The following SLC44A5 variants were observed in gnomAD, a reference collection of about 807,000 sequenced individuals.
The protein encoded by SLC44A5 is choline transporter-like protein 5.
Under a neutral mutation model 101.8 loss-of-function variants are expected in SLC44A5, and 57 were observed. That is an observed-to-expected ratio of 0.56 (90% CI 0.45 to 0.70). The LOEUF (loss-of-function observed/expected upper bound fraction) is 0.70. Ranked by LOEUF, SLC44A5 falls within the 30% of genes least tolerant of loss-of-function variation. SLC44A5 has a pLI of 0.00. For missense variants in SLC44A5, 737 were observed against 853.1 expected, an observed-to-expected ratio of 0.86 and a Z score of 1.70; for synonymous variants, 281 against 290.9, an observed-to-expected ratio of 0.97 and a Z score of 0.35.
chr1:75,316,205 C>T (rs1395048868), intron 4 of SLC44A5, among the ~76,000 whole-genome samples: 2 of 152,222 alleles, frequency 1.3e-5, no homozygotes, highest in South Asian at 2.1e-4. Flanking sequence ...CACATACAAC[C>T]TTTGCATTCC....
intron 3 of SLC44A5, among the ~76,000 whole-genome samples, chr1:75,392,538 CTT>C (rs1167004899): frequency 6.6e-6 from 1 of 152,130 alleles, no homozygotes; most frequent in Non-Finnish European, 1.5e-5. Flanking sequence ...AAAAGGAACT[CTT>C]TATGCTGTTG....
chr1:75,548,184 T>C (rs1671753041), intron 1 of SLC44A5, among the ~76,000 whole-genome samples: 1 of 152,174 alleles, frequency 6.6e-6, no homozygotes, highest in Admixed American at 6.5e-5. Context: ...TTATTATGTT[T>C]CATTACACAG....
intron 1 of SLC44A5, among the ~76,000 whole-genome samples, chr1:75,603,082 T>G (rs1334447838): frequency 1.3e-5 from 2 of 152,058 alleles, no homozygotes; most frequent in African/African-American, 4.8e-5. Context: ...TCCTGTCACC[T>G]AGGTACTGAG....
At chr1:75,244,244 C>A (rs665575) in intron 7 of SLC44A5, among the ~76,000 whole-genome samples, 1 of 151,962 alleles carries the variant, frequency 6.6e-6, no homozygotes, top group African/African-American at 2.4e-5. Flanking sequence ...TCACTTGTTT[C>A]TGTGTGCCTG....
chr1:75,269,845 T>C (rs1651316687), intron 6 of SLC44A5, among the ~76,000 whole-genome samples: 1 of 152,160 alleles, frequency 6.6e-6, no homozygotes, highest in African/African-American at 2.4e-5. Flanking sequence ...CCCACCTAAA[T>C]GTCATCTTGA....
chr1:75,639,938 T>TC, the SLC44A5 span, among the ~76,000 whole-genome samples: 1 of 152,034 alleles, frequency 6.6e-6, no homozygotes, highest in African/African-American at 2.4e-5. Flanking sequence ...TGTTAACTTT[T>TC]CCAACCATTG....
chr1:75,569,962 G>T (rs139181304), intron 1 of SLC44A5, among the ~76,000 whole-genome samples: 3 of 152,200 alleles, frequency 2.0e-5, no homozygotes, highest in African/African-American at 4.8e-5. Context: ...AGATCATTTG[G>T]CACCTGGTGC....
At position 75,283,351 on chromosome 1, in the gene SLC44A5, TG is replaced by T. The variant is rs1652774715; in HGVS notation, c.176-8310del. Among the ~76,000 whole-genome samples the T allele has an allele frequency of 2.0e-5, 3 of 152,132 alleles. No homozygotes were observed. In the South Asian group the frequency reaches 6.2e-4, roughly 31 times the overall value. ...CCCACTTTTTGATCAGATTCTTTGG[TG>T]TTTTTCTTTCTGATTTGTTTGAGTT... is the stretch of plus-strand genomic sequence containing the variant. On this transcript the variant is annotated intron_variant, in intron 5 of 23. Transcript: ENST00000370859.
At chr1:75,526,111 T>A (rs1670393346) in intron 2 of SLC44A5, among the ~76,000 whole-genome samples, 2 of 152,184 alleles carry the variant, frequency 1.3e-5, no homozygotes, top group Admixed American at 6.5e-5. Context: ...GCCATTCCCT[T>A]ATTCTGCACA....
the SLC44A5 span, among the ~76,000 whole-genome samples, chr1:75,676,593 G>A: frequency 1.3e-3 from 204 of 152,234 alleles, no homozygotes; most frequent in African/African-American, 4.7e-3. Flanking sequence ...AATGCATACT[G>A]GGCTTTATAA....
At chr1:75,673,465 T>A in the SLC44A5 span, among the ~76,000 whole-genome samples, 3 of 150,754 alleles carry the variant, frequency 2.0e-5, no homozygotes, top group African/African-American at 7.4e-5. Flanking sequence ...ACAGCATCAC[T>A]GGACCTACTA....
the SLC44A5 span, among the ~76,000 whole-genome samples, chr1:75,692,833 G>A: frequency 1.3e-5 from 2 of 152,168 alleles, no homozygotes; most frequent in Non-Finnish European, 2.9e-5. Flanking sequence ...CCTCATGAGG[G>A]TTGGTCAATT....
chr1:75,249,938 T>C (rs1223190821), intron 7 of SLC44A5, among the ~76,000 whole-genome samples: 1 of 152,136 alleles, frequency 6.6e-6, no homozygotes, highest in African/African-American at 2.4e-5. Context: ...TCAATTCCTT[T>C]CTCCTTGAAT....
intron 8 of SLC44A5, among the ~76,000 whole-genome samples, chr1:75,242,621 G>A (rs1353041465): frequency 2.0e-5 from 3 of 152,010 alleles, no homozygotes; most frequent in Non-Finnish European, 4.4e-5. Context: ...GTCTATCCAA[G>A]TAGAGAATTT....
rs776284467 is a variant in SLC44A5 at position 75,219,798 on chromosome 1, A to G, written c.1178+2T>C. 7 of 1,605,330 alleles carry G rather than the reference A, an allele frequency of 4.4e-6. No homozygotes were observed. Among genetic ancestry groups the G allele is most frequent in the Non-Finnish European group, 5.1e-6 (6 of 1,173,194 alleles). ...TTAAAGAGGCCAATTACCAAAGGAT[A>G]CACTGCTGTCACGACCCAGTAGCAA... On this transcript the variant is annotated splice_donor_variant, in intron 15 of 23. Transcript: ENST00000370859. LOFTEE classifies it high-confidence loss of function.
chr1:75,241,929 G>C, intron 9 of SLC44A5, 72 bp downstream of exon 9: 1 of 1,336,554 alleles, frequency 7.5e-7, no homozygotes, highest in Non-Finnish European at 1.1e-6. Flanking sequence ...CATCAATTGT[G>C]AAATACGGGA....
rs898537494 is a variant in SLC44A5, at chr1:75,268,315, A to G, written c.260+6643T>C. Reference sequence around the variant, plus strand: ...AGTTCAGAAGTCACCTCCTCATGAGAGTGCTTCCCTCACCCCGTAACCACA... The same window carrying G: ...AGTTCAGAAGTCACCTCCTCATGAGGGTGCTTCCCTCACCCCGTAACCACA... On this transcript the variant is annotated intron_variant, in intron 6 of 23. Transcript: ENST00000370859. Among the ~76,000 whole-genome samples, 7 of 152,220 alleles carry G rather than the reference A, an allele frequency of 4.6e-5. 1 individual carries two copies. The South Asian group carries it at 1.2e-3, about 27-fold the overall frequency.
chr1:75,555,884 A>G (rs543752637), intron 1 of SLC44A5, among the ~76,000 whole-genome samples: 12 of 152,294 alleles, frequency 7.9e-5, no homozygotes, highest in Non-Finnish European at 1.8e-4. Context: ...AATTAAAAGA[A>G]GCAAAATATT....
intron 4 of SLC44A5, among the ~76,000 whole-genome samples, chr1:75,326,953 C>T (rs537014185): frequency 1.1e-4 from 17 of 152,130 alleles, no homozygotes; most frequent in Non-Finnish European, 7.4e-5. Context: ...ATACATATTA[C>T]AATGGAGCAT....
Sources: allele counts gnomAD v4.1 joint callset (sites outside exome capture counted in the v4.1 genomes callset), GRCh38; gene constraint gnomAD v4.1.1; transcripts MANE v1.5; gene names NCBI Gene and HGNC (gene_info 2026-07-23, HGNC 2026-07-21).